The following NRG3 variants were observed in gnomAD, a reference collection of about 807,000 sequenced individuals.
NRG3 encodes pro-neuregulin-3, membrane-bound isoform.
A neutral mutation model predicts 66.9 loss-of-function variants in NRG3; 31 were observed. The ratio of observed to expected loss-of-function variants is 0.46; its 90% CI spans 0.35 to 0.63. NRG3 has a LOEUF of 0.63. Among genes scored for constraint, NRG3 ranks in the 20% least tolerant of loss-of-function variants. The pLI is 0.00. For synonymous variants in NRG3, 393 were observed against 359.4 expected (o/e 1.09, Z -1.06); for missense variants, 910 against 878.9 (o/e 1.04, Z -0.45).
intron 1 of NRG3, among the ~76,000 whole-genome samples, chr10:82,188,904 T>G (rs1273969021): frequency 6.6e-6 from 1 of 152,088 alleles, no homozygotes; most frequent in African/African-American, 2.4e-5. Flanking sequence ...ATTACTTTAT[T>G]GCAAATTTTA....
At chr10:81,932,319 A>T (rs1239979837) in intron 1 of NRG3, among the ~76,000 whole-genome samples, 3 of 152,106 alleles carry the variant, frequency 2.0e-5, no homozygotes, top group Non-Finnish European at 4.4e-5. Flanking sequence ...CGTCATGAAG[A>T]CAGCACCAAG....
chr10:82,471,629 G>A (rs12767532), intron 2 of NRG3, among the ~76,000 whole-genome samples: 1 of 151,978 alleles, frequency 6.6e-6, no homozygotes, highest in East Asian at 1.9e-4. Flanking sequence ...CAAGGTTTGC[G>A]ACTGGGCACG....
chr10:82,946,762 A>T (rs1849065272), intron 4 of NRG3, among the ~76,000 whole-genome samples: 2 of 152,164 alleles, frequency 1.3e-5, no homozygotes, highest in African/African-American at 4.8e-5. Flanking sequence ...ATTCATATAC[A>T]TGCATATATA....
chr10:82,430,621 A>G (rs1184771489), intron 2 of NRG3, among the ~76,000 whole-genome samples: 2 of 151,784 alleles, frequency 1.3e-5, no homozygotes, highest in East Asian at 3.9e-4. Context: ...TAAATCAAAT[A>G]CCCCTCCCCT....
At chr10:82,857,138 T>C (rs890162057) in intron 3 of NRG3, among the ~76,000 whole-genome samples, 12 of 152,200 alleles carry the variant, frequency 7.9e-5, no homozygotes, top group African/African-American at 2.9e-4. Context: ...TTAACCTCAG[T>C]TGAAACCTTG....
At chr10:82,507,219 T>G (rs925233272) in intron 2 of NRG3, among the ~76,000 whole-genome samples, 1 of 152,146 alleles carries the variant, frequency 6.6e-6, no homozygotes, top group Admixed American at 6.5e-5. Flanking sequence ...TGCAGCTAAT[T>G]TAGTAGTAGG....
intron 2 of NRG3, among the ~76,000 whole-genome samples, chr10:82,539,577 T>G (rs2043386586): frequency 6.6e-6 from 1 of 152,156 alleles, no homozygotes; most frequent in Non-Finnish European, 1.5e-5. Flanking sequence ...ATGATTTTTT[T>G]CAATCTAAGA....
chr10:82,213,480 C>A (rs2075506280), intron 1 of NRG3, among the ~76,000 whole-genome samples: 1 of 152,122 alleles, frequency 6.6e-6, no homozygotes, highest in Non-Finnish European at 1.5e-5. Context: ...AGACTTCAGT[C>A]TCATCCTCAA....
intron 3 of NRG3, among the ~76,000 whole-genome samples, chr10:82,805,282 A>T (rs940625096): frequency 6.6e-5 from 10 of 152,286 alleles, no homozygotes; most frequent in Middle Eastern, 3.4e-3. Context: ...AGCAGATACC[A>T]TCGGACATTC....
chr10:82,320,210 T>C (rs1202532791), intron 1 of NRG3, among the ~76,000 whole-genome samples: 1 of 152,176 alleles, frequency 6.6e-6, no homozygotes, highest in East Asian at 1.9e-4. Context: ...CCAATATGTT[T>C]ACTGTAACCA....
At chr10:82,740,024 T>C (rs1420628188) in intron 3 of NRG3, among the ~76,000 whole-genome samples, 1 of 151,894 alleles carries the variant, frequency 6.6e-6, no homozygotes, top group Non-Finnish European at 1.5e-5. Flanking sequence ...TCCTCACTTT[T>C]CCTAATGTAT....
intron 2 of NRG3, among the ~76,000 whole-genome samples, chr10:82,492,357 A>T (rs894798056): frequency 6.6e-6 from 1 of 152,238 alleles, no homozygotes; most frequent in Non-Finnish European, 1.5e-5. Context: ...TAACTATCTC[A>T]GAAATATCCC....
intron 2 of NRG3, among the ~76,000 whole-genome samples, chr10:82,482,204 A>G (rs1210407895): frequency 6.6e-6 from 1 of 152,192 alleles, no homozygotes; most frequent in Non-Finnish European, 1.5e-5. Context: ...AAATGTAAAT[A>G]TACCACAACT....
At chr10:82,844,011 G>A (rs1219242710) in intron 3 of NRG3, among the ~76,000 whole-genome samples, 1 of 151,880 alleles carries the variant, frequency 6.6e-6, no homozygotes, top group African/African-American at 2.4e-5. Context: ...ATTTGTCATA[G>A]TTAAATAGAT....
intron 1 of NRG3, among the ~76,000 whole-genome samples, chr10:82,291,239 G>C (rs935675648): frequency 6.6e-6 from 1 of 151,866 alleles, no homozygotes; most frequent in Non-Finnish European, 1.5e-5. Context: ...AAATGCAATA[G>C]TATTTATAAT....
chr10:82,290,000 A>G (rs908134262), intron 1 of NRG3, among the ~76,000 whole-genome samples: 4 of 152,192 alleles, frequency 2.6e-5, no homozygotes, highest in African/African-American at 9.6e-5. Context: ...AGTGTATGGC[A>G]TCTGTTGAAT....
At chr10:82,192,095 A>G (rs1468361982) in intron 1 of NRG3, among the ~76,000 whole-genome samples, 1 of 152,108 alleles carries the variant, frequency 6.6e-6, no homozygotes, top group Non-Finnish European at 1.5e-5. Flanking sequence ...TTCCTAAGGA[A>G]ATGTCTCTGA....
intron 1 of NRG3, among the ~76,000 whole-genome samples, chr10:82,099,918 A>G (rs2066619026): frequency 6.6e-6 from 1 of 151,864 alleles, no homozygotes; most frequent in South Asian, 2.1e-4. Context: ...CAGGAGTTCA[A>G]GTATGCAGTG....
intron 1 of NRG3, among the ~76,000 whole-genome samples, chr10:81,909,509 A>G (rs1390797211): frequency 6.6e-6 from 1 of 152,160 alleles, no homozygotes; most frequent in Non-Finnish European, 1.5e-5. Flanking sequence ...CAAGGGTTCC[A>G]TCTCACATGA....
Sources: allele counts gnomAD v4.1 joint callset (sites outside exome capture counted in the v4.1 genomes callset), GRCh38; gene constraint gnomAD v4.1.1; transcripts MANE v1.5; gene names NCBI Gene and HGNC (gene_info 2026-07-23, HGNC 2026-07-21).